NPC1: variants seen among roughly 807,000 people sequenced by gnomAD.
The protein encoded by NPC1 is NPC intracellular cholesterol transporter 1.
In NPC1, 85 loss-of-function variants were observed where a neutral mutation model predicts 140.4. The observed-to-expected ratio is 0.61, with a 90% CI of 0.51 to 0.72. The LOEUF (loss-of-function observed/expected upper bound fraction) is 0.72. NPC1 is among the 30% of genes least tolerant of loss of function. The pLI, the probability that NPC1 is intolerant of heterozygous loss-of-function variation, is 0.00. For missense variants in NPC1, 1,504 were observed against 1,623.8 expected, an observed-to-expected ratio of 0.93 and a Z score of 1.27; for synonymous variants, 656 against 624.8, an observed-to-expected ratio of 1.05 and a Z score of -0.74.
intron 3 of NPC1, among the ~76,000 whole-genome samples, chr18:23,512,471 AGTACAG>A (rs2057887427): frequency 6.6e-6 from 1 of 152,192 alleles, no homozygotes; most frequent in African/African-American, 2.4e-5. Flanking sequence ...CCCAGGCTGG[AGTACAG>A]TGGCACAATC....
chr18:23,552,934 A>C (rs886131282), intron 9 of NPC1, among the ~76,000 whole-genome samples: 3 of 152,228 alleles, frequency 2.0e-5, no homozygotes, highest in African/African-American at 7.2e-5. Context: ...ACTGCCTTTA[A>C]ACAAAATGGG....
chr18:23,531,131 C>CAGT (rs1368513564), downstream of NPC1, among the ~76,000 whole-genome samples: 2 of 152,048 alleles, frequency 1.3e-5, no homozygotes, highest in Admixed American at 1.3e-4. Flanking sequence ...GTTGGGACTA[C>CAGT]AGGTGCGTGC....
downstream of NPC1, chr18:23,527,669 G>T: frequency 1.5e-6 from 1 of 654,936 alleles, no homozygotes; most frequent in Non-Finnish European, 2.7e-6. Context: ...TTAAAGTAGA[G>T]TGTCCTTTAA....
intron 4 of NPC1, among the ~76,000 whole-genome samples, chr18:23,564,550 C>A (rs1188443925): frequency 1.3e-5 from 2 of 151,986 alleles, no homozygotes; most frequent in African/African-American, 4.8e-5. Context: ...CTTGAACTCC[C>A]GGGCTCAAGC....
chr18:23,585,117 G>A (rs989916214), intron 1 of NPC1, among the ~76,000 whole-genome samples: 3 of 151,944 alleles, frequency 2.0e-5, no homozygotes, highest in African/African-American at 7.3e-5. Context: ...TTTTCTCTAC[G>A]GCACATAATT....
At chr18:23,542,898 C>T (rs1205255332) in intron 14 of NPC1, among the ~76,000 whole-genome samples, 1 of 152,120 alleles carries the variant, frequency 6.6e-6, no homozygotes, top group Non-Finnish European at 1.5e-5. Context: ...TCTCTTTCAC[C>T]CTGAACCCCA....
chr18:23,576,476 C>T (rs555264366), intron 1 of NPC1: 14 of 986,368 alleles, frequency 1.4e-5, no homozygotes, highest in Non-Finnish European at 1.6e-5. Flanking sequence ...GACCCAAAGA[C>T]TTACAAAGCA....
rs951251257 is a variant in NPC1, at chr18:23,531,455, G to C, written c.*747C>G. ...GGTTAGATAGAATCTCTTCCATTTA[G>C]CTTTTGTATTTGTCTCTCAAAGCAG... On this transcript the variant is annotated 3_prime_UTR_variant, in exon 25 of 25. Transcript: ENST00000269228. 2 of 1,337,226 alleles carry C rather than the reference G, an allele frequency of 1.5e-6. No individual in the cohort carries two copies. Among genetic ancestry groups the C allele is most frequent in the African/African-American group, 3.0e-5 (2 of 67,726 alleles). The allele number at this position is 1,337,226 out of a possible 1,614,324, so 82.8% of individuals were successfully genotyped here.
intron 24 of NPC1, 115 bp downstream of exon 24, chr18:23,533,240 A>G (rs2058567437): frequency 8.7e-7 from 1 of 1,148,502 alleles, no homozygotes; most frequent in Non-Finnish European, 1.3e-6. Context: ...ATCATTTATC[A>G]TTATCAAATG....
chr18:23,528,352 G>A (rs1293748731), downstream of NPC1: 1 of 156,946 alleles, frequency 6.4e-6, no homozygotes, highest in African/African-American at 2.4e-5. Flanking sequence ...TTAGCACTTA[G>A]CAGGCGTGTT....
chr18:23,509,221 G>C (rs945676275), intron 3 of NPC1: 4 of 1,458,512 alleles, frequency 2.7e-6, no homozygotes, highest in Non-Finnish European at 3.6e-6. Context: ...CTAGGATTCT[G>C]CTGGACTAGT....
intron 3 of NPC1, among the ~76,000 whole-genome samples, chr18:23,511,146 A>G (rs558338524): frequency 2.6e-5 from 4 of 152,396 alleles, no homozygotes; most frequent in African/African-American, 7.2e-5. Context: ...CTATGCAGCC[A>G]TAAAAATGAA....
At chr18:23,526,384 C>A (rs1232933309), downstream of NPC1, among the ~76,000 whole-genome samples, 2 of 152,186 alleles carry the variant, frequency 1.3e-5, no homozygotes, top group Non-Finnish European at 2.9e-5. Flanking sequence ...CCCCTGAATG[C>A]AGAGGTTACT....
At chr18:23,519,323 G>C (rs2058086860), downstream of NPC1, 1 of 657,474 alleles carries the variant, frequency 1.5e-6, no homozygotes, top group African/African-American at 1.8e-5. Context: ...TTCGAGACCA[G>C]CCTGAGCAGC....
At chr18:23,507,444 G>A (rs1410159775) in intron 3 of NPC1, among the ~76,000 whole-genome samples, 1 of 152,144 alleles carries the variant, frequency 6.6e-6, no homozygotes, top group Non-Finnish European at 1.5e-5. Flanking sequence ...CTTGATAGCA[G>A]CATAGAATAT....
At chr18:23,527,666 A>ATTGTATTTCTTT, downstream of NPC1, 1 of 688,546 alleles carries the variant, frequency 1.5e-6, no homozygotes, top group Non-Finnish European at 2.6e-6. Context: ...TCTTTAAAGT[A>ATTGTATTTCTTT]GAGTGTCCTT....
In NPC1 at chr18:23,561,479, T is replaced by C. The variant is rs772237016; in HGVS notation, c.512A>G (p.Lys171Arg). 5.0e-6 allele frequency: 8 copies of C among 1,614,032 alleles called. No individual in the cohort carries two copies. Among genetic ancestry groups the C allele is most frequent in the Non-Finnish European group, 6.8e-6 (8 of 1,180,000 alleles). The change falls in exon 5 of 25, where the codon AAG becomes AGG. Residue 171 changes from lysine to arginine, a missense_variant. Physicochemically the swap from Lys to Arg is conservative, Grantham distance 26. Transcript: ENST00000269228. ...RDVEAPSSND[K>R]ALGLLCGKDA... The stretch of plus-strand genomic sequence containing the variant: ...CTTCCCACACAGGAGTCCCAGGGCC[T>C]TGTCATTACTTGAGGGGGCCTCCAC...
intron 20 of NPC1, among the ~76,000 whole-genome samples, chr18:23,538,000 A>G (rs2058657456): frequency 6.6e-6 from 1 of 152,196 alleles, no homozygotes; most frequent in African/African-American, 2.4e-5. Flanking sequence ...ACTTCCGGTC[A>G]TCATCACTAT....
intron 9 of NPC1, among the ~76,000 whole-genome samples, chr18:23,553,169 G>A (rs932252944): frequency 3.3e-5 from 5 of 152,232 alleles, no homozygotes; most frequent in African/African-American, 9.6e-5. Context: ...TGGGAACCAC[G>A]TCCGCTTTGA....
Sources: gnomAD v4.1 joint callset for allele counts (sites outside exome capture counted in the v4.1 genomes callset) on GRCh38, gnomAD v4.1.1 for gene constraint, MANE v1.5 for transcripts, NCBI Gene and HGNC (gene_info 2026-07-23, HGNC 2026-07-21) for gene names.